Variants in MACROD2 observed in about 807,000 individuals in gnomAD.
The protein encoded by MACROD2 is ADP-ribose glycohydrolase MACROD2.
MACROD2 carries 36 observed loss-of-function variants against 70.4 expected under a neutral mutation model. The observed-to-expected ratio is 0.51, with a 90% confidence interval of 0.39 to 0.68. The LOEUF (loss-of-function observed/expected upper bound fraction) is 0.68, where lower values mean the gene tolerates loss of function less well. Ranked by LOEUF, MACROD2 falls within the 30% of genes least tolerant of loss-of-function variation. MACROD2 has a pLI of 0.00. For missense variants in MACROD2, 496 were observed against 538.4 expected (o/e 0.92, Z 0.78); for synonymous variants, 172 against 178.8 (o/e 0.96, Z 0.30).
At chr20:15,392,388 C>A (rs548896565) in intron 6 of MACROD2, among the ~76,000 whole-genome samples, 4 of 152,238 alleles carry the variant, frequency 2.6e-5, no homozygotes, top group Non-Finnish European at 5.9e-5. Flanking sequence ...TAATGTGACA[C>A]TAATATCATA....
intron 5 of MACROD2, among the ~76,000 whole-genome samples, chr20:15,099,399 C>CCA (rs2075855931): frequency 6.6e-6 from 1 of 152,090 alleles, no homozygotes; most frequent in Admixed American, 6.6e-5. Context: ...ATCTCTCTCT[C>CCA]CACACACCTG....
chr20:15,887,937 T>C (rs2064842729), intron 10 of MACROD2, among the ~76,000 whole-genome samples: 1 of 152,170 alleles, frequency 6.6e-6, no homozygotes, highest in South Asian at 2.1e-4. Context: ...CAACTACTTG[T>C]TGGCCATACG....
chr20:15,372,250 G>C (rs1399269948), intron 6 of MACROD2, among the ~76,000 whole-genome samples: 4 of 152,222 alleles, frequency 2.6e-5, no homozygotes, highest in African/African-American at 9.6e-5. Flanking sequence ...GTGTACTTGA[G>C]GCTCACAGAG....
At chr20:14,592,909 T>C (rs182841931) in intron 4 of MACROD2, among the ~76,000 whole-genome samples, 1 of 152,294 alleles carries the variant, frequency 6.6e-6, no homozygotes, top group East Asian at 1.9e-4. Context: ...AAAACATTAC[T>C]GAGATAGTTT....
At chr20:14,855,140 A>G (rs2073240527) in intron 5 of MACROD2, among the ~76,000 whole-genome samples, 1 of 152,226 alleles carries the variant, frequency 6.6e-6, no homozygotes, top group Admixed American at 6.5e-5. Flanking sequence ...TCTCCATTTT[A>G]TAACTCTCGA....
chr20:15,629,334 A>G (rs1197525747), intron 8 of MACROD2, among the ~76,000 whole-genome samples: 1 of 152,204 alleles, frequency 6.6e-6, no homozygotes, highest in Non-Finnish European at 1.5e-5. Context: ...TTGACCCCAA[A>G]TCAGAGTGAG....
chr20:15,313,385 T>C (rs1265945141), intron 6 of MACROD2, among the ~76,000 whole-genome samples: 3 of 151,534 alleles, frequency 2.0e-5, no homozygotes, highest in African/African-American at 4.9e-5. Flanking sequence ...CGGGCGCCTG[T>C]AGTCCCAGCT....
At chr20:14,074,635 G>A (rs1601190340) in intron 2 of MACROD2, among the ~76,000 whole-genome samples, 1 of 152,116 alleles carries the variant, frequency 6.6e-6, no homozygotes, top group Non-Finnish European at 1.5e-5. Flanking sequence ...AGAATCCTGA[G>A]ATGGAAATGG....
chr20:14,748,794 A>G (rs1436759538), intron 5 of MACROD2, among the ~76,000 whole-genome samples: 2 of 152,082 alleles, frequency 1.3e-5, no homozygotes, highest in African/African-American at 4.8e-5. Flanking sequence ...CATTGAGCAG[A>G]CTACAGTTCT....
chr20:14,640,901 G>A (rs947344694), intron 4 of MACROD2, among the ~76,000 whole-genome samples: 2 of 152,164 alleles, frequency 1.3e-5, no homozygotes, highest in Non-Finnish European at 2.9e-5. Flanking sequence ...TCAGGGTGGT[G>A]GTTGCTGAAT....
chr20:14,637,982 A>C (rs544956220), intron 4 of MACROD2, among the ~76,000 whole-genome samples: 1 of 151,982 alleles, frequency 6.6e-6, no homozygotes, highest in Non-Finnish European at 1.5e-5. Flanking sequence ...GTGATTTTCT[A>C]TAATTTCATT....
At chr20:14,470,953 C>T (rs981687027) in intron 3 of MACROD2, among the ~76,000 whole-genome samples, 5 of 152,112 alleles carry the variant, frequency 3.3e-5, no homozygotes, top group Non-Finnish European at 5.9e-5. Flanking sequence ...TGCTGGCATT[C>T]GAGGTGCCAC....
At chr20:14,429,917 A>G (rs192729978) in intron 3 of MACROD2, among the ~76,000 whole-genome samples, 1 of 152,146 alleles carries the variant, frequency 6.6e-6, no homozygotes, top group South Asian at 2.1e-4. Flanking sequence ...TCACAGTAGT[A>G]ACTTCATCAT....
chr20:15,530,914 A>G (rs978997082), intron 8 of MACROD2, among the ~76,000 whole-genome samples: 1 of 151,482 alleles, frequency 6.6e-6, no homozygotes, highest in Non-Finnish European at 1.5e-5. Context: ...TTTATTCTTT[A>G]TCCTTAGATA....
At position 15,371,915 on chromosome 20, in the gene MACROD2, A is replaced by G. The variant is rs529854392; in HGVS notation, c.541-59490A>G. Among the ~76,000 whole-genome samples, 47 of 152,268 alleles carry G rather than the reference A, an allele frequency of 3.1e-4. No homozygotes were observed. In the South Asian group the frequency reaches 9.5e-3, roughly 31 times the overall value. On this transcript the variant is annotated intron_variant, in intron 6 of 17. Coordinates refer to ENST00000684519, the MANE Select transcript of MACROD2 (RefSeq NM_001351661.2). ...AATTCCTGTTTTTTACGCTTTCACTACATATGTAGATCCTGCCATTAAAAT... is the reference window on the plus strand; with the variant it reads ...AATTCCTGTTTTTTACGCTTTCACTGCATATGTAGATCCTGCCATTAAAAT...
chr20:15,536,183 T>C (rs548687588), intron 8 of MACROD2, among the ~76,000 whole-genome samples: 1 of 152,320 alleles, frequency 6.6e-6, no homozygotes, highest in East Asian at 1.9e-4. Flanking sequence ...CACATTAATA[T>C]ATTTGCCCAA....
intron 5 of MACROD2, among the ~76,000 whole-genome samples, chr20:14,872,336 C>G (rs1345798957): frequency 6.6e-6 from 1 of 152,078 alleles, no homozygotes; most frequent in African/African-American, 2.4e-5. Flanking sequence ...CTTTTTCCCA[C>G]ATTGCTATTG....
intron 3 of MACROD2, among the ~76,000 whole-genome samples, chr20:14,409,060 T>C (rs1488419904): frequency 6.6e-6 from 1 of 152,060 alleles, no homozygotes; most frequent in African/African-American, 2.4e-5. Flanking sequence ...ATTTTGAACC[T>C]GTTTTTGTCT....
intron 4 of MACROD2, among the ~76,000 whole-genome samples, chr20:14,510,802 T>C (rs1167652130): frequency 6.6e-6 from 1 of 152,146 alleles, no homozygotes; most frequent in African/African-American, 2.4e-5. Context: ...GAAGAATTTA[T>C]TTTTAAAAAT....
Sources: gnomAD v4.1 joint callset for allele counts (sites outside exome capture counted in the v4.1 genomes callset) on GRCh38, gnomAD v4.1.1 for gene constraint, MANE v1.5 for transcripts, NCBI Gene and HGNC (gene_info 2026-07-23, HGNC 2026-07-21) for gene names.